The following ACYP2 variants were observed in gnomAD, a reference collection of about 807,000 sequenced individuals.
ACYP2 encodes the protein acylphosphatase-2.
A neutral mutation model predicts 11.2 loss-of-function variants in ACYP2; 12 were observed. The observed-to-expected ratio is 1.08, with a 90% CI of 0.69 to 1.74. ACYP2 has a LOEUF of 1.74. Among genes scored for constraint, ACYP2 ranks in the 40% most tolerant of loss-of-function variants. The pLI is 0.00. For missense variants in ACYP2, 134 were observed against 101.9 expected, an observed-to-expected ratio of 1.31 and a Z score of -1.35; for synonymous variants, 43 against 32.2, an observed-to-expected ratio of 1.33 and a Z score of -1.13.
At chr2:54,167,647 T>C (rs910153445) in intron 6 of ACYP2, among the ~76,000 whole-genome samples, 1 of 152,204 alleles carries the variant, frequency 6.6e-6, no homozygotes, top group Non-Finnish European at 1.5e-5. Context: ...ATTAGTATTA[T>C]ATTTGTTATG....
At chr2:54,210,018 G>A (rs1685263798) in intron 6 of ACYP2, among the ~76,000 whole-genome samples, 1 of 151,842 alleles carries the variant, frequency 6.6e-6, no homozygotes, top group South Asian at 2.1e-4. Flanking sequence ...GCGGGCACTT[G>A]TAATCCCAGA....
intron 3 of ACYP2, among the ~76,000 whole-genome samples, chr2:54,056,398 T>C (rs1676152695): frequency 6.6e-6 from 1 of 152,246 alleles, no homozygotes; most frequent in African/African-American, 2.4e-5. Flanking sequence ...CTGATTTAGG[T>C]TTGATCATAT....
chr2:54,220,638 A>G (rs904783062), intron 6 of ACYP2, among the ~76,000 whole-genome samples: 1 of 152,200 alleles, frequency 6.6e-6, no homozygotes, highest in Non-Finnish European at 1.5e-5. Flanking sequence ...GTTTGAGTAG[A>G]GAAACAGTCT....
chr2:54,285,329 C>T (rs368601132), intron 6 of ACYP2, among the ~76,000 whole-genome samples: 1 of 152,250 alleles, frequency 6.6e-6, no homozygotes. Context: ...TTCCTTCTGC[C>T]TCACTTGCTC....
rs35145998 is a variant in ACYP2, at chr2:54,182,047, A to ATTTTT, written c.404+43321_404+43325dup. 3.2e-3 allele frequency among the ~76,000 whole-genome samples: 265 copies of ATTTTT among 83,060 alleles called. 10 individuals carry two copies. The highest frequency in any genetic ancestry group is 0.013 in the African/African-American group (256 of 19,360). The allele number at this position is 83,060 out of a possible 152,430, so 54.5% of individuals were successfully genotyped here. On this transcript the variant is annotated intron_variant, in intron 6 of 6. Coordinates refer to ENST00000607452, the MANE Select transcript of ACYP2 (RefSeq NM_001320586.2). ...AAAGAAAACAGAAAAATAGAAGATA[A>ATTTTT]TTTTTTTTTTTTTTTTTTTTTTTTT...
intron 6 of ACYP2, among the ~76,000 whole-genome samples, chr2:54,300,323 A>G (rs1689674461): frequency 6.6e-6 from 1 of 152,202 alleles, no homozygotes; most frequent in South Asian, 2.1e-4. Context: ...TTCAAGATTG[A>G]AGGATTCAGT....
rs142921477 is a variant in ACYP2, at chr2:54,088,142, A to G, written c.277+30782A>G. 4.5e-3 allele frequency among the ~76,000 whole-genome samples: 685 copies of G among 152,182 alleles called. 2 individuals carry two copies. Among genetic ancestry groups the G allele is most frequent in the Non-Finnish European group, 7.6e-3 (518 of 68,020 alleles). ...AAGGTGAGAAGAGGAGGGATTAGCA[A>G]CTCTTCTAGTGGAGCCAAAAGCGTG... On this transcript the variant is annotated intron_variant, in intron 4 of 6. Transcript: ENST00000607452.
chr2:54,020,719 A>T (rs957611342), intron 2 of ACYP2, among the ~76,000 whole-genome samples: 2 of 152,246 alleles, frequency 1.3e-5, no homozygotes, highest in African/African-American at 2.4e-5. Flanking sequence ...ATCTAAATAT[A>T]TACAGAAAAA....
intron 4 of ACYP2, among the ~76,000 whole-genome samples, chr2:54,112,059 T>C (rs967664419): frequency 1.3e-5 from 2 of 152,222 alleles, no homozygotes; most frequent in Admixed American, 6.5e-5. Flanking sequence ...TGTATTATTG[T>C]CATATATAGA....
chr2:53,983,614 A>G (rs147573487), intron 2 of ACYP2, among the ~76,000 whole-genome samples: 1 of 152,318 alleles, frequency 6.6e-6, no homozygotes, highest in African/African-American at 2.4e-5. Flanking sequence ...GATTAAGAAT[A>G]GTATATACGG....
Position 53,988,097 on chromosome 2 carries a change from T to G in ACYP2, c.62+14287T>G, listed in dbSNP as rs541847749. ...TCTAAGAACTAGGTTGGGCATGGTGTTGCGCACCTGTAATCCCAGTGACTC... is the reference window on the plus strand; with the variant it reads ...TCTAAGAACTAGGTTGGGCATGGTGGTGCGCACCTGTAATCCCAGTGACTC... On this transcript the variant is annotated intron_variant, in intron 2 of 6. Transcript: ENST00000607452. Among the ~76,000 whole-genome samples, 27 of 152,248 alleles carry G rather than the reference T, an allele frequency of 1.8e-4. No individual in the cohort carries two copies. The South Asian group carries it at 5.4e-3, about 30-fold the overall frequency.
chr2:54,280,077 A>G (rs843716), intron 6 of ACYP2, among the ~76,000 whole-genome samples: 54,023 of 151,982 alleles, frequency 0.36, 9,846 homozygotes, highest in Admixed American at 0.47. Flanking sequence ...GATATCCAGA[A>G]CCAAACACCA....
intron 4 of ACYP2, among the ~76,000 whole-genome samples, chr2:54,064,718 A>T (rs112365883): frequency 6.6e-6 from 1 of 152,226 alleles, no homozygotes; most frequent in African/African-American, 2.4e-5. Flanking sequence ...TGCAAGAATG[A>T]TGCGGAGGCA....
At chr2:54,196,286 C>G (rs1463692528) in intron 6 of ACYP2, among the ~76,000 whole-genome samples, 1 of 152,140 alleles carries the variant, frequency 6.6e-6, no homozygotes, top group Non-Finnish European at 1.5e-5. Context: ...AACCTCCGCT[C>G]ACTGCAATCT....
intron 6 of ACYP2, among the ~76,000 whole-genome samples, chr2:54,182,940 C>T (rs1433669623): frequency 1.3e-5 from 2 of 152,164 alleles, no homozygotes; most frequent in African/African-American, 4.8e-5. Context: ...GTTAAACCAA[C>T]ATCAACATGA....
chr2:54,286,078 A>T (rs1266274462), intron 6 of ACYP2, among the ~76,000 whole-genome samples: 1 of 152,108 alleles, frequency 6.6e-6, no homozygotes, highest in Non-Finnish European at 1.5e-5. Context: ...CATTTAATAC[A>T]CCTAACCTAC....
chr2:54,127,008 A>G (rs1680554163), intron 4 of ACYP2, among the ~76,000 whole-genome samples: 1 of 151,678 alleles, frequency 6.6e-6, no homozygotes, highest in African/African-American at 2.4e-5. Flanking sequence ...GAAAGATTAT[A>G]GGCAGTTGCA....
chr2:54,094,694 C>T (rs776860179), intron 4 of ACYP2, among the ~76,000 whole-genome samples: 1 of 151,890 alleles, frequency 6.6e-6, no homozygotes, highest in African/African-American at 2.4e-5. Flanking sequence ...TGTGCCACCA[C>T]GCCCAGCTAA....
At chr2:54,137,653 G>A (rs752902535) in intron 5 of ACYP2, among the ~76,000 whole-genome samples, 1 of 152,144 alleles carries the variant, frequency 6.6e-6, no homozygotes, top group Non-Finnish European at 1.5e-5. Context: ...TGGTGTATAT[G>A]TACCACATTT....
Sources: gnomAD v4.1 joint callset for allele counts (sites outside exome capture counted in the v4.1 genomes callset) on GRCh38, gnomAD v4.1.1 for gene constraint, MANE v1.5 for transcripts, NCBI Gene and HGNC (gene_info 2026-07-23, HGNC 2026-07-21) for gene names.